Variants in FAM241A observed in about 807,000 individuals in gnomAD.
The protein encoded by FAM241A is uncharacterized protein FAM241A.
A neutral mutation model predicts 12.2 loss-of-function variants in FAM241A; 7 were observed. The observed-to-expected ratio is 0.58, with a 90% CI of 0.33 to 1.08. The LOEUF (loss-of-function observed/expected upper bound fraction) is 1.08, where lower values mean the gene tolerates loss of function less well. FAM241A is among the 50% of genes least tolerant of loss of function. The probability of loss-of-function intolerance (pLI) is 0.04; values close to 1 mark genes in which losing one functional copy is unlikely to be tolerated. For missense variants in FAM241A, 161 were observed against 169.7 expected, an observed-to-expected ratio of 0.95 and a Z score of 0.29; for synonymous variants, 74 against 68.2, an observed-to-expected ratio of 1.08 and a Z score of -0.42.
At chr4:112,173,900 A>G (rs1487506056) in intron 1 of FAM241A, among the ~76,000 whole-genome samples, 4 of 152,274 alleles carry the variant, frequency 2.6e-5, no homozygotes, top group Admixed American at 2.0e-4. Context: ...TCAGCAAAGC[A>G]GCAATTTAAC....
At chr4:112,171,459 G>T (rs1479129768) in intron 1 of FAM241A, 1 of 778,824 alleles carries the variant, frequency 1.3e-6, no homozygotes, top group East Asian at 2.4e-5. Context: ...GAGAATGCTG[G>T]CTATTAAAAG....
At chr4:112,154,635 A>G (rs1298960317) in intron 1 of FAM241A, among the ~76,000 whole-genome samples, 1 of 152,218 alleles carries the variant, frequency 6.6e-6, no homozygotes, top group Non-Finnish European at 1.5e-5. Context: ...TGCATATGCA[A>G]GGTACTAAGT....
rs1042098812 is a variant in FAM241A, at chr4:112,189,966, A to G, written c.*3028A>G. 3.4e-5 allele frequency: 5 copies of G among 147,996 alleles called. No individual in the cohort carries two copies. The highest frequency in any genetic ancestry group is 7.6e-5 in the African/African-American group (3 of 39,454). 9.2% of individuals were successfully genotyped at this position (147,996 alleles called of 1,614,324 possible). A position where few individuals can be genotyped will look rare whatever the true frequency, so the allele number is the denominator to read the frequency against. On this transcript the variant is annotated 3_prime_UTR_variant, in exon 2 of 2. Transcript: ENST00000309733. ...AGTAAAGAACAGAACACATTTTGTG[A>G]AATAAAAGAAAGCATATGAGGTAAA...
rs1724078633 is a variant in FAM241A at position 112,187,881 on chromosome 4, C to T, written c.*943C>T. ...TTTTTCACAAAAAATTTGTATTTTA[C>T]TGTTGTTTTCAGGAAAAAAATCAGA... is the stretch of plus-strand genomic sequence containing the variant. On this transcript the variant is annotated 3_prime_UTR_variant, in exon 2 of 2. Transcript: ENST00000309733. 6.6e-6 allele frequency: 1 copy of T among 151,588 alleles called. No homozygotes were observed. The highest frequency in any genetic ancestry group is 6.6e-5 in the Admixed American group (1 of 15,166). The allele number at this position is 151,588 out of a possible 1,614,324, so 9.4% of individuals were successfully genotyped here. A position where few individuals can be genotyped will look rare whatever the true frequency, so the allele number is the denominator to read the frequency against.
intron 1 of FAM241A, among the ~76,000 whole-genome samples, chr4:112,158,240 G>A (rs1404151931): frequency 6.6e-6 from 1 of 151,948 alleles, no homozygotes; most frequent in African/African-American, 2.4e-5. Flanking sequence ...AAGTCTTTGG[G>A]CGCTCTATAT....
rs899430971 is a variant in FAM241A at position 112,188,054 on chromosome 4, T to G, written c.*1116T>G. On this transcript the variant is annotated 3_prime_UTR_variant, in exon 2 of 2. Transcript: ENST00000309733. ...TGGCTAGCCATGTTATTAAGGTGTC[T>G]TAATTCAGCATTTTCAGGTTTTATA... 13 of 152,184 alleles carry G rather than the reference T, an allele frequency of 8.5e-5. No homozygotes were observed. The highest frequency in any genetic ancestry group is 3.1e-4 in the African/African-American group (13 of 41,460). The allele number at this position is 152,184 out of a possible 1,614,324, so 9.4% of individuals were successfully genotyped here.
chr4:112,170,375 T>G (rs1042328927), intron 1 of FAM241A, among the ~76,000 whole-genome samples: 2 of 152,204 alleles, frequency 1.3e-5, no homozygotes, highest in African/African-American at 2.4e-5. Context: ...AACATTTCAT[T>G]TATAAGTTAA....
chr4:112,171,117 G>T, intron 1 of FAM241A: 1 of 391,754 alleles, frequency 2.6e-6, no homozygotes, highest in Non-Finnish European at 4.8e-6. Flanking sequence ...TATAAAACAA[G>T]AAACTGTTAT....
intron 1 of FAM241A, among the ~76,000 whole-genome samples, chr4:112,184,903 AG>A (rs1422553482): frequency 2.0e-5 from 3 of 152,184 alleles, no homozygotes; most frequent in Admixed American, 2.0e-4. Context: ...TTCTACTAAA[AG>A]AATGTAAGTT....
Position 112,156,490 on chromosome 4 carries a change from CAT to C in FAM241A, c.153+10759_153+10760del, listed in dbSNP as rs777381560. On this transcript the variant is annotated intron_variant, in intron 1 of 1. Coordinates refer to ENST00000309733, the MANE Select transcript of FAM241A (RefSeq NM_152400.3). ...CCCTCTCCACAGGTACACTCTAAAA[CAT>C]AATCCCCATGAGGACAGAGATTACA... 4.6e-5 allele frequency among the ~76,000 whole-genome samples: 7 copies of C among 152,174 alleles called. No individual in the cohort carries two copies. The East Asian group carries it at 7.7e-4, about 17-fold the overall frequency.
At chr4:112,183,049 AATTC>A (rs1326906964) in intron 1 of FAM241A, among the ~76,000 whole-genome samples, 3 of 151,302 alleles carry the variant, frequency 2.0e-5, no homozygotes, top group Admixed American at 6.6e-5. Context: ...CCCCCTATCC[AATTC>A]ATTGCTGGAT....
chr4:112,179,699 A>G lies in FAM241A; in HGVS notation c.154-6994A>G, dbSNP rs544949392. ...TTGTGCACATGTACCCTAGAACTTAAAGTATAATAAAATATATATATATAT... is the reference window on the plus strand; with the variant it reads ...TTGTGCACATGTACCCTAGAACTTAGAGTATAATAAAATATATATATATAT... On this transcript the variant is annotated intron_variant, in intron 1 of 1. Transcript: ENST00000309733. Among the ~76,000 whole-genome samples the G allele has an allele frequency of 1.4e-3, 200 of 146,620 alleles. 1 individual carries two copies. Among genetic ancestry groups the G allele is most frequent in the African/African-American group, 4.8e-3 (191 of 39,612 alleles).
At chr4:112,150,643 T>G (rs954450842) in intron 1 of FAM241A, among the ~76,000 whole-genome samples, 1 of 151,032 alleles carries the variant, frequency 6.6e-6, no homozygotes, top group Admixed American at 6.6e-5. Flanking sequence ...GAAAACAAAA[T>G]GGGGGGTTCA....
chr4:112,145,515 CGCTGCCTGGTGCGTCGCGGCG>C lies in FAM241A; in HGVS notation c.-65_-45del. 1 of 1,196,486 alleles carries C rather than the reference CGCTGCCTGGTGCGTCGCGGCG, an allele frequency of 8.4e-7. No individual in the cohort carries two copies. Among genetic ancestry groups the C allele is most frequent in the Non-Finnish European group, 1.0e-6 (1 of 962,416 alleles). 74.1% of individuals were successfully genotyped at this position (1,196,486 alleles called of 1,614,324 possible). ...TCCCAGGGCAGCCTTCGGGCGGCGG[CGCTGCCTGGTGCGTCGCGGCG>C]TGGTCCTCCGGCGGCTGTCCGGGGC... On this transcript the variant is annotated 5_prime_UTR_variant, in exon 1 of 2. Transcript: ENST00000309733.
Position 112,151,711 on chromosome 4 carries a change from A to G in FAM241A, c.153+5978A>G, listed in dbSNP as rs114171107. Among the ~76,000 whole-genome samples the G allele has an allele frequency of 8.4e-3, 1,286 of 152,240 alleles. 15 individuals are homozygous for G. The highest frequency in any genetic ancestry group is 0.029 in the African/African-American group (1,212 of 41,528). ...TATATACATATGAAGTTGTTTAACT[A>G]TTTTCTTAGAAGTGTATATTTAAAC... On this transcript the variant is annotated intron_variant, in intron 1 of 1. Coordinates refer to ENST00000309733, the MANE Select transcript of FAM241A (RefSeq NM_152400.3).
chr4:112,181,831 G>C (rs1056196571), intron 1 of FAM241A, among the ~76,000 whole-genome samples: 1 of 152,210 alleles, frequency 6.6e-6, no homozygotes, highest in East Asian at 1.9e-4. Context: ...AGACTAAGCA[G>C]GGCCTCATAG....
At chr4:112,145,820 G>T in intron 1 of FAM241A, 87 bp downstream of exon 1, 1 of 839,690 alleles carries the variant, frequency 1.2e-6, no homozygotes, top group Non-Finnish European at 1.5e-6. Context: ...CCCGGCCCGC[G>T]GGCCGCGCCG....
At chr4:112,186,618 G>A in intron 1 of FAM241A, 75 bp from the exon 2 acceptor site, 1 of 1,376,456 alleles carries the variant, frequency 7.3e-7, no homozygotes, top group Non-Finnish European at 9.9e-7. Context: ...GGAAGATGAA[G>A]AACTAAGGTT....
rs533318547 is a variant in FAM241A at position 112,194,064 on chromosome 4, G to A, written c.*7126G>A. The A allele has an allele frequency of 3.8e-3, 523 of 138,288 alleles. 4 individuals are homozygous for A. Among genetic ancestry groups the A allele is most frequent in the African/African-American group, 0.014 (478 of 34,660 alleles). The allele number at this position is 138,288 out of a possible 1,614,324, so 8.6% of individuals were successfully genotyped here. A position where few individuals can be genotyped will look rare whatever the true frequency, so the allele number is the denominator to read the frequency against. ...AGTTCTCCTTGAAGAGGTCCTTCACGTCCCTTGTAAGTTGGATTCCTAGGT... is the reference window on the plus strand; with the variant it reads ...AGTTCTCCTTGAAGAGGTCCTTCACATCCCTTGTAAGTTGGATTCCTAGGT... On this transcript the variant is annotated 3_prime_UTR_variant, in exon 2 of 2. Coordinates refer to ENST00000309733, the MANE Select transcript of FAM241A (RefSeq NM_152400.3).
Sources: allele counts gnomAD v4.1 joint callset (sites outside exome capture counted in the v4.1 genomes callset), GRCh38; gene constraint gnomAD v4.1.1; transcripts MANE v1.5; gene names NCBI Gene and HGNC (gene_info 2026-07-23, HGNC 2026-07-21).